The following UST variants were observed in gnomAD, a reference collection of about 807,000 sequenced individuals.
The protein encoded by UST is uronyl 2-sulfotransferase, also known as chondroitin sulfate 2-O-sulfotransferase.
Under a neutral mutation model 45.6 loss-of-function variants are expected in UST, and 21 were observed. The observed-to-expected ratio is 0.46, with a 90% CI of 0.33 to 0.66. UST has a LOEUF of 0.66. Ranked by LOEUF, UST falls within the 30% of genes least tolerant of loss-of-function variation. The pLI, the probability that UST is intolerant of heterozygous loss-of-function variation, is 0.02. For synonymous variants in UST, 215 were observed against 200.6 expected (o/e 1.07, Z -0.61); for missense variants, 463 against 512.4 (o/e 0.90, Z 0.93).
intron 7 of UST, chr6:149,027,717 T>C (rs931556181): frequency 6.6e-6 from 1 of 152,050 alleles, no homozygotes; most frequent in Admixed American, 6.6e-5. Context: ...AAGACAGGGG[T>C]CCCAACTCCA....
At chr6:149,040,521 G>A (rs1188913876) in intron 7 of UST, among the ~76,000 whole-genome samples, 1 of 152,208 alleles carries the variant, frequency 6.6e-6, no homozygotes. Context: ...CAGGCATGGT[G>A]GTGCATGCCT....
rs1213230616 is a variant in UST, at chr6:148,825,174, A to G, written c.248-61812A>G. Among the ~76,000 whole-genome samples, 9 of 152,112 alleles carry G rather than the reference A, an allele frequency of 5.9e-5. No individual in the cohort carries two copies. The East Asian group carries it at 1.7e-3, about 29-fold the overall frequency. ...GACACATCCCCTTTCTAGACTTGAGAGACAGGCAGTGGACACCAAAAGTGG... is the reference window on the plus strand; with the variant it reads ...GACACATCCCCTTTCTAGACTTGAGGGACAGGCAGTGGACACCAAAAGTGG... On this transcript the variant is annotated intron_variant, in intron 1 of 7. Coordinates refer to ENST00000367463, the MANE Select transcript of UST (RefSeq NM_005715.3).
intron 5 of UST, chr6:148,992,974 C>T (rs1252803422): frequency 1.0e-6 from 1 of 984,164 alleles, no homozygotes; most frequent in Non-Finnish European, 1.2e-6. Context: ...AAATACATTT[C>T]TATCCACAGA....
intron 7 of UST, among the ~76,000 whole-genome samples, chr6:149,034,152 T>A (rs1776195005): frequency 6.6e-6 from 1 of 152,208 alleles, no homozygotes; most frequent in Non-Finnish European, 1.5e-5. Flanking sequence ...ATACATTTTG[T>A]TGGCTGCTGA....
chr6:148,964,028 T>C (rs772992853), intron 4 of UST, among the ~76,000 whole-genome samples: 1 of 152,218 alleles, frequency 6.6e-6, no homozygotes, highest in Non-Finnish European at 1.5e-5. Context: ...ATTGTGTCCC[T>C]GTGGGTTCTG....
chr6:149,065,722 T>C (rs1448645223), intron 7 of UST, among the ~76,000 whole-genome samples: 1 of 152,208 alleles, frequency 6.6e-6, no homozygotes, highest in Admixed American at 6.5e-5. Context: ...ATAATGTATA[T>C]GATGATCCAA....
intron 6 of UST, among the ~76,000 whole-genome samples, chr6:149,020,574 C>CTTG (rs1562331453): frequency 6.6e-6 from 1 of 152,180 alleles, no homozygotes; most frequent in African/African-American, 2.4e-5. Flanking sequence ...ATCATATCAC[C>CTTG]TTGCACAGTC....
chr6:149,043,504 G>C (rs1776356740), intron 7 of UST, among the ~76,000 whole-genome samples: 1 of 152,248 alleles, frequency 6.6e-6, no homozygotes, highest in Admixed American at 6.5e-5. Flanking sequence ...GCATCCCCTA[G>C]AACAGTGAGC....
In UST at chr6:148,747,665, C is replaced by A; in HGVS notation, c.235C>A (p.Arg79=). ...ACCCCCTCGCTTCCTGCTCGACCTGCGGCAGTACTTGGGTAAGGAAGCTGG... is the reference window on the plus strand; with the variant it reads ...ACCCCCTCGCTTCCTGCTCGACCTGAGGCAGTACTTGGGTAAGGAAGCTGG... ...GGPPRFLLDL[R]QYLGNSTYLD... The change falls in exon 1 of 8, where the codon CGG becomes AGG. Residue 79 remains arginine, a synonymous_variant. Transcript: ENST00000367463. 1 of 1,600,466 alleles carries A rather than the reference C, an allele frequency of 6.2e-7. No individual in the cohort carries two copies. Among genetic ancestry groups the A allele is most frequent in the South Asian group, 1.1e-5 (1 of 89,062 alleles).
At chr6:148,932,129 C>T (rs1375527676) in intron 2 of UST, among the ~76,000 whole-genome samples, 1 of 152,176 alleles carries the variant, frequency 6.6e-6, no homozygotes, top group Non-Finnish European at 1.5e-5. Flanking sequence ...CCTGTAATCC[C>T]AGCGCTTTCA....
At chr6:148,931,142 G>C (rs10499256) in intron 2 of UST, among the ~76,000 whole-genome samples, 15,178 of 152,276 alleles carry the variant, frequency 0.1, 909 homozygotes, top group Middle Eastern at 0.15. Context: ...ATTCTAAATC[G>C]AGTGGTTGGC....
intron 2 of UST, among the ~76,000 whole-genome samples, chr6:148,905,218 G>A (rs200208304): frequency 6.6e-6 from 1 of 152,154 alleles, no homozygotes; most frequent in Non-Finnish European, 1.5e-5. Flanking sequence ...CCAAACCTCT[G>A]AGTCATTACT....
chr6:148,987,890 A>G (rs531708142), intron 5 of UST, among the ~76,000 whole-genome samples: 1 of 152,218 alleles, frequency 6.6e-6, no homozygotes, highest in South Asian at 2.1e-4. Context: ...AGACATGAGC[A>G]TCTACTTTAT....
chr6:148,948,872 C>T (rs1309563462), intron 3 of UST, among the ~76,000 whole-genome samples: 2 of 152,060 alleles, frequency 1.3e-5, no homozygotes, highest in Admixed American at 1.3e-4. Flanking sequence ...AAATAAAAAA[C>T]AGGATTTAGG....
chr6:149,057,970 T>C (rs1776591883), intron 7 of UST, among the ~76,000 whole-genome samples: 1 of 152,244 alleles, frequency 6.6e-6, no homozygotes, highest in Non-Finnish European at 1.5e-5. Context: ...TATATACATA[T>C]ATCTGCACAT....
intron 1 of UST, among the ~76,000 whole-genome samples, chr6:148,878,287 C>T (rs1252882298): frequency 2.5e-5 from 1 of 39,540 alleles, no homozygotes; most frequent in Non-Finnish European, 4.4e-5. Flanking sequence ...TACGGGGGAT[C>T]ATGTATGAGT....
intron 7 of UST, among the ~76,000 whole-genome samples, chr6:149,052,844 A>G (rs576930908): frequency 2.6e-5 from 4 of 152,196 alleles, no homozygotes; most frequent in Admixed American, 6.5e-5. Flanking sequence ...TCGCTTTAAT[A>G]AAGTGCTTGC....
At chr6:149,050,476 A>T (rs4332004) in intron 7 of UST, among the ~76,000 whole-genome samples, 48,030 of 152,062 alleles carry the variant, frequency 0.32, 8,007 homozygotes, top group Non-Finnish European at 0.36. Flanking sequence ...GTGTGGACAC[A>T]CCAACTCTAG....
chr6:148,966,101 G>A (rs1384112417), intron 5 of UST, among the ~76,000 whole-genome samples: 4 of 151,952 alleles, frequency 2.6e-5, no homozygotes, highest in Non-Finnish European at 4.4e-5. Context: ...GCGCATGCCT[G>A]TGATCCCAGC....
Sources: allele counts gnomAD v4.1 joint callset (sites outside exome capture counted in the v4.1 genomes callset), GRCh38; gene constraint gnomAD v4.1.1; transcripts MANE v1.5; gene names NCBI Gene and HGNC (gene_info 2026-07-23, HGNC 2026-07-21).